Variants in RYR3 observed in about 807,000 individuals in gnomAD.
RYR3 encodes the protein ryanodine receptor 3, also known as brain ryanodine receptor-calcium release channel.
Under a neutral mutation model 584.3 loss-of-function variants are expected in RYR3, and 207 were observed. The observed-to-expected ratio is 0.35, with a 90% CI of 0.32 to 0.40. The LOEUF (loss-of-function observed/expected upper bound fraction) is 0.40, where lower values mean the gene tolerates loss of function less well. Ranked by LOEUF, RYR3 falls within the 10% of genes least tolerant of loss-of-function variation. The pLI, the probability that RYR3 is intolerant of heterozygous loss-of-function variation, is 1.00. For missense variants in RYR3, 5,616 were observed against 6,089.2 expected, an observed-to-expected ratio of 0.92 and a Z score of 2.59; for synonymous variants, 2,416 against 2,248.5, an observed-to-expected ratio of 1.07 and a Z score of -2.11.
At position 33,504,886 on chromosome 15, in the gene RYR3, C is replaced by A. The variant is rs1019871513; in HGVS notation, c.279+1148C>A. Among the ~76,000 whole-genome samples, 4 of 152,316 alleles carry A rather than the reference C, an allele frequency of 2.6e-5. No individual in the cohort carries two copies. The East Asian group carries it at 7.7e-4, about 29-fold the overall frequency. On this transcript the variant is annotated intron_variant, in intron 3 of 103. Coordinates refer to ENST00000634891, the MANE Select transcript of RYR3 (RefSeq NM_001036.6). ...CTCTCTCACTTCCCTTATGTAATCC[C>A]TACGTATCCTTCAAGGAACTAGTTT...
intron 1 of RYR3, among the ~76,000 whole-genome samples, chr15:33,435,901 A>G (rs2045680747): frequency 6.6e-6 from 1 of 152,204 alleles, no homozygotes; most frequent in South Asian, 2.1e-4. Flanking sequence ...CTGGGGTGGC[A>G]GCTTTTATTC....
intron 1 of RYR3, among the ~76,000 whole-genome samples, chr15:33,320,884 T>C (rs544565877): frequency 2.6e-5 from 4 of 152,356 alleles, no homozygotes; most frequent in African/African-American, 4.8e-5. Flanking sequence ...ATTTTATTAT[T>C]GGAAAGTACA....
rs16970688 is a variant in RYR3, at chr15:33,407,802, G to A, written c.52-65617G>A. On this transcript the variant is annotated intron_variant, in intron 1 of 103. Transcript: ENST00000634891. Reference sequence around the variant, plus strand: ...AATCTGGAGAAAGGCATTTATTCCCGGCATGGACAGTGGATTCCTGGCTAA... The same window carrying A: ...AATCTGGAGAAAGGCATTTATTCCCAGCATGGACAGTGGATTCCTGGCTAA... Among the ~76,000 whole-genome samples, 526 of 152,162 alleles carry A rather than the reference G, an allele frequency of 3.5e-3. 15 individuals carry two copies. The East Asian group carries it at 0.064, about 18-fold the overall frequency.
intron 15 of RYR3, among the ~76,000 whole-genome samples, chr15:33,585,599 T>A (rs1002500089): frequency 1.5e-4 from 23 of 152,238 alleles, no homozygotes; most frequent in African/African-American, 5.3e-4. Flanking sequence ...TTTTCCAAAT[T>A]ACTTGAATGA....
chr15:33,855,867 C>G (rs1391831408), intron 98 of RYR3: 1 of 152,178 alleles, frequency 6.6e-6, no homozygotes, highest in Non-Finnish European at 1.5e-5. Context: ...CTTCTAATGG[C>G]TTCTCCTTGT....
chr15:33,647,460 A>C lies in RYR3; in HGVS notation c.3978A>C (p.Thr1326=). The C allele has an allele frequency of 3.7e-6, 6 of 1,600,242 alleles. No individual in the cohort carries two copies. The highest frequency in any genetic ancestry group is 5.1e-6 in the Non-Finnish European group (6 of 1,167,506). The change falls in exon 30 of 104, where the codon ACA becomes ACC. Residue 1326 remains threonine, a splice_region_variant and synonymous_variant. Transcript: ENST00000634891. Reference sequence around the variant, plus strand: ...AAGAAATACTCTCTCATACAACAACAGTAAGTAAATGTGCTCAATTATGGT... The same window carrying C: ...AAGAAATACTCTCTCATACAACAACCGTAAGTAAATGTGCTCAATTATGGT... ...QMQEILSHTT[T]QCYYAIRIFA...
intron 2 of RYR3, among the ~76,000 whole-genome samples, chr15:33,489,154 AT>A (rs563813720): frequency 1.3e-5 from 2 of 152,120 alleles, no homozygotes; most frequent in South Asian, 2.1e-4. Context: ...AATGCCTACA[AT>A]TTTTTTTAGA....
intron 1 of RYR3, among the ~76,000 whole-genome samples, chr15:33,466,539 A>G (rs759649689): frequency 6.6e-6 from 1 of 152,232 alleles, no homozygotes; most frequent in Non-Finnish European, 1.5e-5. Context: ...AGTAAGTTGT[A>G]ACAACAAAAC....
intron 31 of RYR3, among the ~76,000 whole-genome samples, chr15:33,650,490 A>G (rs1209059680): frequency 6.6e-6 from 1 of 152,236 alleles, no homozygotes; most frequent in East Asian, 1.9e-4. Context: ...TTCCTTATCT[A>G]AAGATGAGGA....
In RYR3 at chr15:33,838,041, G is replaced by A; in HGVS notation, c.12061G>A (p.Val4021Met). The A allele has an allele frequency of 6.2e-7, 1 of 1,614,002 alleles. No individual in the cohort carries two copies. Among genetic ancestry groups the A allele is most frequent in the Non-Finnish European group, 8.5e-7 (1 of 1,179,906 alleles). Residue 4021 changes from valine to methionine, a missense_variant, in exon 89 of 104, where the codon GTG becomes ATG. By Grantham distance (21) the Val-to-Met change is conservative. This residue lies in a region of RYR3 where 258 missense variants were observed against 297.3 expected (regional missense o/e 0.87). Coordinates refer to ENST00000634891, the MANE Select transcript of RYR3 (RefSeq NM_001036.6). ...GTGTCTGTTGGACCCAGCAGAAAGTGTGCTAAATTACTTCGAACCCTACCT... is the reference window on the plus strand; with the variant it reads ...GTGTCTGTTGGACCCAGCAGAAAGTATGCTAAATTACTTCGAACCCTACCT... ...LKCLLDPAES[V>M]LNYFEPYLGR...
intron 9 of RYR3, among the ~76,000 whole-genome samples, chr15:33,548,557 T>G (rs932263798): frequency 5.9e-5 from 9 of 152,216 alleles, no homozygotes; most frequent in Admixed American, 5.2e-4. Context: ...AGTAGCTTTG[T>G]TGGCTCCAGT....
chr15:33,691,397 C>T (rs141525423), intron 38 of RYR3, among the ~76,000 whole-genome samples: 1 of 152,302 alleles, frequency 6.6e-6, no homozygotes, highest in African/African-American at 2.4e-5. Context: ...TACTGGGAAG[C>T]TGTCGAGCTC....
At chr15:33,797,892 A>G (rs561231953) in intron 67 of RYR3, among the ~76,000 whole-genome samples, 1 of 152,350 alleles carries the variant, frequency 6.6e-6, no homozygotes, top group South Asian at 2.1e-4. Context: ...ATCAATAGGA[A>G]AGAAATCAGA....
At chr15:33,664,454 A>G (rs2063356560) in intron 36 of RYR3, among the ~76,000 whole-genome samples, 1 of 151,926 alleles carries the variant, frequency 6.6e-6, no homozygotes, top group South Asian at 2.1e-4. Context: ...GACCTTGCAG[A>G]TGGGTTGACC....
At chr15:33,859,442 G>T in intron 99 of RYR3, 133 bp from the exon 100 acceptor site, 1 of 843,568 alleles carries the variant, frequency 1.2e-6, no homozygotes. Flanking sequence ...CATGAATACT[G>T]GCACCTCTGA....
At chr15:33,500,622 T>G (rs779320085) in intron 2 of RYR3, among the ~76,000 whole-genome samples, 1 of 152,102 alleles carries the variant, frequency 6.6e-6, no homozygotes, top group Non-Finnish European at 1.5e-5. Flanking sequence ...TCAGAACAGA[T>G]GTCAACAGAG....
At chr15:33,773,047 G>T (rs969891314) in intron 63 of RYR3, among the ~76,000 whole-genome samples, 3 of 152,174 alleles carry the variant, frequency 2.0e-5, no homozygotes, top group Non-Finnish European at 4.4e-5. Flanking sequence ...CAGAGAACCT[G>T]GGATAGGCAG....
intron 3 of RYR3, among the ~76,000 whole-genome samples, chr15:33,511,341 A>AAC (rs1250788950): frequency 2.6e-5 from 4 of 151,720 alleles, no homozygotes; most frequent in Non-Finnish European, 5.9e-5. Flanking sequence ...AAAAAAAAAA[A>AAC]AAAAAAAAAA....
intron 19 of RYR3, among the ~76,000 whole-genome samples, chr15:33,619,257 C>T (rs2060600901): frequency 6.6e-6 from 1 of 152,170 alleles, no homozygotes; most frequent in South Asian, 2.1e-4. Context: ...TTTTTAAATC[C>T]ATTAATGTAG....
Sources: gnomAD v4.1 joint callset for allele counts (sites outside exome capture counted in the v4.1 genomes callset) on GRCh38, gnomAD v4.1.1 for gene constraint, gnomAD v4.1.1 regional missense constraint, MANE v1.5 for transcripts, NCBI Gene and HGNC (gene_info 2026-07-23, HGNC 2026-07-21) for gene names.